The following OR9Q1 variants were observed in gnomAD, a reference collection of about 807,000 sequenced individuals.
OR9Q1 encodes the protein olfactory receptor 9Q1.
For synonymous variants in OR9Q1, 153 were observed against 148.6 expected, an observed-to-expected ratio of 1.03 and a Z score of -0.22; for missense variants, 374 against 378.8, an observed-to-expected ratio of 0.99 and a Z score of 0.11.
intron 1 of OR9Q1, among the ~76,000 whole-genome samples, chr11:58,042,640 T>A (rs3133868): frequency 6.7e-6 from 1 of 149,402 alleles, no homozygotes; most frequent in East Asian, 1.9e-4. Flanking sequence ...CTCTTTTTTG[T>A]TTCCATATGA....
rs1853079294 is a variant in OR9Q1 at position 58,034,735 on chromosome 11, T to TTCCTTCC, written c.-93+10632_-93+10633insCCTTCCT. Among the ~76,000 whole-genome samples, 18 of 111,476 alleles carry TTCCTTCC rather than the reference T, an allele frequency of 1.6e-4. No homozygotes were observed. In the Middle Eastern group the frequency reaches 0.013, roughly 82 times the overall value. 73.1% of individuals were successfully genotyped at this position (111,476 alleles called of 152,430 possible). On this transcript the variant is annotated intron_variant, in intron 1 of 2. Transcript: ENST00000335397. Reference sequence around the variant, plus strand: ...CACTGTCTGTCTTAAGGTTTCTTTCTTTCCTTCCTTCCTTCCTTCCTTCCT... The same window carrying TTCCTTCC: ...CACTGTCTGTCTTAAGGTTTCTTTCTTCCTTCCTTCCTTCCTTCCTTCCTTCCTTCCT...
chr11:58,043,559 T>C (rs1469829405), intron 1 of OR9Q1, among the ~76,000 whole-genome samples: 1 of 152,204 alleles, frequency 6.6e-6, no homozygotes, highest in Non-Finnish European at 1.5e-5. Flanking sequence ...ATATCTTGCA[T>C]CACAATTGAT....
At chr11:58,136,565 G>T (rs1347286989) in intron 2 of OR9Q1, among the ~76,000 whole-genome samples, 3 of 152,158 alleles carry the variant, frequency 2.0e-5, no homozygotes, top group African/African-American at 7.2e-5. Context: ...CTAGGAAATT[G>T]ACTGGCGGTT....
intron 2 of OR9Q1, among the ~76,000 whole-genome samples, chr11:58,093,834 T>A (rs912845562): frequency 6.7e-6 from 1 of 150,180 alleles, no homozygotes; most frequent in African/African-American, 2.4e-5. Flanking sequence ...GAAATGCTTA[T>A]ACACTATTAG....
At chr11:58,141,817 G>T (rs1029856856) in intron 2 of OR9Q1, among the ~76,000 whole-genome samples, 1 of 152,110 alleles carries the variant, frequency 6.6e-6, no homozygotes, top group Non-Finnish European at 1.5e-5. Flanking sequence ...ATATTTGTGG[G>T]ATTCCAGCCT....
intron 1 of OR9Q1, among the ~76,000 whole-genome samples, chr11:58,027,554 C>G (rs1286701691): frequency 2.0e-5 from 3 of 152,134 alleles, no homozygotes. Context: ...CTATTTAAAT[C>G]TGATCCTTTA....
chr11:58,077,445 A>C (rs1294524533), intron 2 of OR9Q1: 2 of 152,224 alleles, frequency 1.3e-5, no homozygotes, highest in Non-Finnish European at 2.9e-5. Context: ...TAGCATAGGA[A>C]TAAAGATGGT....
chr11:58,146,716 G>A (rs775896059), intron 2 of OR9Q1, among the ~76,000 whole-genome samples: 11 of 152,168 alleles, frequency 7.2e-5, no homozygotes, highest in Admixed American at 1.3e-4. Context: ...AGAAATTAAC[G>A]TTTAAGCAGA....
chr11:58,060,795 C>CTTT (rs5792078), intron 2 of OR9Q1, among the ~76,000 whole-genome samples: 2 of 148,872 alleles, frequency 1.3e-5, no homozygotes, highest in Non-Finnish European at 3.0e-5. Context: ...TAAGAGAGCA[C>CTTT]TTTTTTTTTT....
chr11:58,171,249 A>G (rs1219448813), intron 2 of OR9Q1: 1 of 152,186 alleles, frequency 6.6e-6, no homozygotes, highest in Admixed American at 6.5e-5. Context: ...GGGTTTGACA[A>G]ATGTAATCCA....
Position 58,151,612 on chromosome 11 carries a change from C to T in OR9Q1, c.-14-27819C>T, listed in dbSNP as rs1356004439. ...GGCTGTACAGATGTTAGAGTGCAAG[C>T]GTTGGATGAATGTGAACTAAAAATG... On this transcript the variant is annotated intron_variant, in intron 2 of 2. Transcript: ENST00000335397. 5.3e-5 allele frequency among the ~76,000 whole-genome samples: 8 copies of T among 152,070 alleles called. No individual in the cohort carries two copies. The East Asian group carries it at 1.3e-3, about 26-fold the overall frequency.
chr11:58,124,621 G>A (rs544131195), intron 2 of OR9Q1: 50 of 152,266 alleles, frequency 3.3e-4, no homozygotes, highest in Non-Finnish European at 5.3e-4. Flanking sequence ...GCACTTTAAA[G>A]GCTTTTATTT....
chr11:58,155,728 T>C (rs983967278), intron 2 of OR9Q1, among the ~76,000 whole-genome samples: 1 of 152,146 alleles, frequency 6.6e-6, no homozygotes, highest in Non-Finnish European at 1.5e-5. Flanking sequence ...GTGGAATAGG[T>C]ATAATAACTT....
chr11:58,086,428 A>G (rs1393421471), intron 2 of OR9Q1, among the ~76,000 whole-genome samples: 1 of 151,936 alleles, frequency 6.6e-6, no homozygotes, highest in African/African-American at 2.4e-5. Context: ...GAATACAGCC[A>G]TTATGGAAAA....
chr11:58,093,441 A>T (rs1286888296), intron 2 of OR9Q1, among the ~76,000 whole-genome samples: 5 of 152,190 alleles, frequency 3.3e-5, no homozygotes, highest in African/African-American at 1.2e-4. Context: ...ACTAATCATC[A>T]GAGAAATGCA....
intron 2 of OR9Q1, among the ~76,000 whole-genome samples, chr11:58,101,300 T>C (rs1421256209): frequency 6.6e-6 from 1 of 152,194 alleles, no homozygotes; most frequent in Non-Finnish European, 1.5e-5. Flanking sequence ...CCAACATTTA[T>C]TGTTTTTTGA....
intron 2 of OR9Q1, among the ~76,000 whole-genome samples, chr11:58,068,010 G>A (rs1853446170): frequency 6.6e-6 from 1 of 152,208 alleles, no homozygotes; most frequent in African/African-American, 2.4e-5. Context: ...GCCTCACAGA[G>A]CAAGAGAGAC....
rs151090416 is a variant in OR9Q1 at position 58,055,551 on chromosome 11, C to T, written c.-92-319C>T. Reference sequence around the variant, plus strand: ...TGGTGGCTTACGTCTGTAATCCCAGCACTTTGGGAGGCTGAGGCAGAAGGA... The same window carrying T: ...TGGTGGCTTACGTCTGTAATCCCAGTACTTTGGGAGGCTGAGGCAGAAGGA... On this transcript the variant is annotated intron_variant, in intron 1 of 2. Coordinates refer to ENST00000335397, the MANE Select transcript of OR9Q1 (RefSeq NM_001005212.4). Among the ~76,000 whole-genome samples the T allele has an allele frequency of 7.2e-3, 1,103 of 152,156 alleles. 20 individuals carry two copies. Among genetic ancestry groups the T allele is most frequent in the African/African-American group, 0.025 (1,055 of 41,524 alleles).
At chr11:58,050,743 A>C (rs1853266565) in intron 1 of OR9Q1, among the ~76,000 whole-genome samples, 1 of 106,936 alleles carries the variant, frequency 9.4e-6, no homozygotes, top group Non-Finnish European at 2.0e-5. Flanking sequence ...AACTCAAACA[A>C]ATTTACAAGA....
Sources: allele counts gnomAD v4.1 joint callset (sites outside exome capture counted in the v4.1 genomes callset), GRCh38; gene constraint gnomAD v4.1.1; transcripts MANE v1.5; gene names NCBI Gene and HGNC (gene_info 2026-07-23, HGNC 2026-07-21).